GOSR2: variants seen among roughly 807,000 people sequenced by gnomAD.
GOSR2 encodes golgi SNAP receptor complex member 2.
GOSR2 carries 20 observed loss-of-function variants against 27.9 expected under a neutral mutation model. The ratio of observed to expected loss-of-function variants is 0.72; its 90% CI spans 0.50 to 1.04. GOSR2 has a LOEUF of 1.04. GOSR2 is among the 50% of genes least tolerant of loss of function. The probability of loss-of-function intolerance (pLI) is 0.00; values close to 1 mark genes in which losing one functional copy is unlikely to be tolerated. For missense variants in GOSR2, 261 were observed against 270.5 expected, an observed-to-expected ratio of 0.97 and a Z score of 0.25; for synonymous variants, 91 against 98.8, an observed-to-expected ratio of 0.92 and a Z score of 0.47.
intron 6 of GOSR2, among the ~76,000 whole-genome samples, chr17:46,954,970 A>G (rs559771362): frequency 0.11 from 17,345 of 152,194 alleles, 1,086 homozygotes; most frequent in African/African-American, 0.16. Context: ...GCAAACAGGG[A>G]CAATTTGACT....
rs1252548459 is a variant in GOSR2 at position 46,935,252 on chromosome 17, T to G, written c.477+83T>G. On this transcript the variant is annotated intron_variant, in intron 5 of 5. Coordinates refer to ENST00000640051, the MANE Select transcript of GOSR2 (RefSeq NM_004287.5). ...TTTAGTAACTGTGTTTATATTTTGA[T>G]TACGTGTCCTCAAATTGTGATATTT... 1.9e-6 allele frequency: 3 copies of G among 1,607,154 alleles called. No homozygotes were observed. In the Admixed American group the frequency reaches 5.0e-5, roughly 27 times the overall value.
At chr17:46,943,548 T>C (rs548142691), downstream of GOSR2, among the ~76,000 whole-genome samples, 5 of 152,348 alleles carry the variant, frequency 3.3e-5, no homozygotes, top group South Asian at 8.3e-4. Flanking sequence ...AACCTCATAC[T>C]GCACGCTTCC....
Position 46,940,915 on chromosome 17 carries a change from C to T in GOSR2, c.*2155C>T. 3.0e-6 allele frequency: 4 copies of T among 1,337,290 alleles called. No individual in the cohort carries two copies. The South Asian group carries it at 6.1e-5, about 20-fold the overall frequency. The allele number at this position is 1,337,290 out of a possible 1,614,324, so 82.8% of individuals were successfully genotyped here. A position where few individuals can be genotyped will look rare whatever the true frequency, so the allele number is the denominator to read the frequency against. On this transcript the variant is annotated 3_prime_UTR_variant, in exon 6 of 6. Coordinates refer to ENST00000640051, the MANE Select transcript of GOSR2 (RefSeq NM_004287.5). ...CTCTTCACACATCTGCTTTCAGTGC[C>T]TGGTGAAAAATAGACCTTGGCCTAA...
downstream of GOSR2, among the ~76,000 whole-genome samples, chr17:46,946,736 G>A (rs1041738474): frequency 2.0e-5 from 3 of 152,114 alleles, no homozygotes; most frequent in East Asian, 3.9e-4. Flanking sequence ...GTTGGTGTGC[G>A]CCTGTAGTCC....
At chr17:46,944,125 AGACAGTGGCT>A (rs2089617280), downstream of GOSR2, among the ~76,000 whole-genome samples, 1 of 152,214 alleles carries the variant, frequency 6.6e-6, no homozygotes, top group Non-Finnish European at 1.5e-5. Context: ...CCTCCTCAGA[AGACAGTGGCT>A]GACAGTACAA....
At chr17:46,966,375 C>T (rs181478271) in intron 6 of GOSR2, among the ~76,000 whole-genome samples, 13 of 152,268 alleles carry the variant, frequency 8.5e-5, no homozygotes, top group Admixed American at 3.3e-4. Flanking sequence ...GACCTCCTCA[C>T]ACCTCTTCAA....
chr17:46,949,814 G>A (rs1205128418), intron 6 of GOSR2, among the ~76,000 whole-genome samples: 1 of 152,200 alleles, frequency 6.6e-6, no homozygotes, highest in Non-Finnish European at 1.5e-5. Context: ...GCAAAGGGGT[G>A]TGCTCTGGGA....
At chr17:46,947,538 C>T (rs1175661340) in intron 6 of GOSR2, among the ~76,000 whole-genome samples, 5 of 152,138 alleles carry the variant, frequency 3.3e-5, no homozygotes, top group Admixed American at 6.5e-5. Flanking sequence ...CCTAGGAAGA[C>T]CTGGACATGA....
intron 1 of GOSR2, among the ~76,000 whole-genome samples, chr17:46,927,501 C>T (rs1222409335): frequency 6.6e-6 from 1 of 152,132 alleles, no homozygotes; most frequent in Non-Finnish European, 1.5e-5. Flanking sequence ...GTATTTTCTT[C>T]AGAAAGTTTG....
downstream of GOSR2, among the ~76,000 whole-genome samples, chr17:46,967,779 T>G (rs1347335277): frequency 1.3e-5 from 2 of 152,104 alleles, no homozygotes; most frequent in African/African-American, 4.8e-5. Context: ...TGGTGCCACC[T>G]GTGTTCTGGG....
At chr17:46,965,769 C>T (rs2091288847) in intron 6 of GOSR2, among the ~76,000 whole-genome samples, 1 of 151,862 alleles carries the variant, frequency 6.6e-6, no homozygotes, top group Non-Finnish European at 1.5e-5. Context: ...ACTACCGGCA[C>T]ACAGCACCAT....
intron 1 of GOSR2, among the ~76,000 whole-genome samples, chr17:46,928,103 C>T (rs1222971375): frequency 6.6e-6 from 1 of 152,068 alleles, no homozygotes; most frequent in Non-Finnish European, 1.5e-5. Flanking sequence ...CCACAATATC[C>T]CAGACTTACT....
At chr17:46,955,994 G>C (rs1011944391) in intron 6 of GOSR2, among the ~76,000 whole-genome samples, 1 of 152,144 alleles carries the variant, frequency 6.6e-6, no homozygotes, top group Non-Finnish European at 1.5e-5. Context: ...ATCAGACTGG[G>C]AATGGAAAAT....
intron 6 of GOSR2, among the ~76,000 whole-genome samples, chr17:46,950,843 T>G (rs2090286893): frequency 6.6e-6 from 1 of 152,082 alleles, no homozygotes; most frequent in Non-Finnish European, 1.5e-5. Context: ...CCAGAAGTGG[T>G]CTTGGGGACC....
chr17:46,974,104 G>A (rs1196616888), intron 6 of GOSR2, among the ~76,000 whole-genome samples: 1 of 152,238 alleles, frequency 6.6e-6, no homozygotes, highest in Admixed American at 6.5e-5. Flanking sequence ...ACATCTTGCT[G>A]GTGAAGGCAC....
chr17:46,928,620 G>A (rs190211532), intron 1 of GOSR2, among the ~76,000 whole-genome samples: 1 of 152,246 alleles, frequency 6.6e-6, no homozygotes, highest in Non-Finnish European at 1.5e-5. Flanking sequence ...TTCCAAATGA[G>A]ATGGCAGTTC....
intron 6 of GOSR2, among the ~76,000 whole-genome samples, chr17:46,950,205 G>C (rs2147216020): frequency 6.6e-6 from 1 of 152,298 alleles, no homozygotes; most frequent in South Asian, 2.1e-4. Flanking sequence ...AGCAGCCCCT[G>C]AGTCACTTCT....
chr17:46,945,599 C>T (rs183759075), downstream of GOSR2, among the ~76,000 whole-genome samples: 410 of 152,268 alleles, frequency 2.7e-3, no homozygotes, highest in Non-Finnish European at 4.4e-3. Flanking sequence ...GAGGAACAGG[C>T]GTGGGCTATG....
At chr17:46,931,327 T>A in intron 3 of GOSR2, 120 bp downstream of exon 3, 4 of 707,096 alleles carry the variant, frequency 5.7e-6, no homozygotes. Flanking sequence ...ACTATGACTA[T>A]GCAAAGAAAA....
Sources: gnomAD v4.1 joint callset for allele counts (sites outside exome capture counted in the v4.1 genomes callset) on GRCh38, gnomAD v4.1.1 for gene constraint, MANE v1.5 for transcripts, NCBI Gene and HGNC (gene_info 2026-07-23, HGNC 2026-07-21) for gene names.